AKAP9: variants seen among roughly 807,000 people sequenced by gnomAD.
AKAP9 encodes the protein A-kinase anchoring protein 9, also known as A-kinase anchor protein 9.
A neutral mutation model predicts 488.5 loss-of-function variants in AKAP9; 311 were observed. The observed-to-expected ratio is 0.64, with a 90% CI of 0.58 to 0.70. The LOEUF (loss-of-function observed/expected upper bound fraction) is 0.70. Among genes scored for constraint, AKAP9 ranks in the 30% least tolerant of loss-of-function variants. AKAP9 has a pLI of 0.00. For synonymous variants in AKAP9, 1,462 were observed against 1,483.5 expected (o/e 0.99, Z 0.33); for missense variants, 4,215 against 4,374.5 (o/e 0.96, Z 1.03).
intron 1 of AKAP9, among the ~76,000 whole-genome samples, chr7:91,958,619 C>T (rs562854380): frequency 2.6e-5 from 4 of 151,804 alleles, no homozygotes; most frequent in Admixed American, 2.0e-4. Context: ...TATGGGCCCA[C>T]GATAATTTTA....
intron 23 of AKAP9, among the ~76,000 whole-genome samples, chr7:92,062,057 T>C (rs1200499796): frequency 6.6e-6 from 1 of 152,186 alleles, no homozygotes; most frequent in Non-Finnish European, 1.5e-5. Context: ...AAATTTCATG[T>C]TTATGCACAA....
intron 1 of AKAP9, among the ~76,000 whole-genome samples, chr7:91,957,537 A>G (rs1297579338): frequency 2.6e-5 from 4 of 152,208 alleles, no homozygotes; most frequent in African/African-American, 9.6e-5. Context: ...GGAATCACAA[A>G]GGAACAAGAA....
chr7:92,059,077 T>A (rs945481115), intron 22 of AKAP9, among the ~76,000 whole-genome samples: 2 of 152,002 alleles, frequency 1.3e-5, no homozygotes, highest in Admixed American at 6.6e-5. Context: ...ATGACTTTCA[T>A]AGCTTTATCC....
At chr7:92,053,011 C>T in intron 22 of AKAP9, 53 bp downstream of exon 22, 2 of 1,426,630 alleles carry the variant, frequency 1.4e-6, no homozygotes, top group Non-Finnish European at 2.0e-6. Context: ...AATATACTAT[C>T]CCACTCTCTC....
chr7:92,058,259 C>T (rs367757100), intron 22 of AKAP9: 4 of 587,870 alleles, frequency 6.8e-6, no homozygotes, highest in East Asian at 3.7e-5. Context: ...GGTTGAATCT[C>T]GCGTGCCTTT....
At chr7:92,041,905 T>C (rs553571980) in intron 18 of AKAP9, 141 bp from the exon 19 acceptor site, 22 of 843,320 alleles carry the variant, frequency 2.6e-5, no homozygotes, top group Non-Finnish European at 3.8e-5. Context: ...TGTATATACT[T>C]TTAACCCCTT....
intron 36 of AKAP9, among the ~76,000 whole-genome samples, chr7:92,085,964 G>T (rs1417152981): frequency 2.0e-5 from 3 of 151,992 alleles, no homozygotes; most frequent in African/African-American, 7.2e-5. Flanking sequence ...TTAGCCAGGC[G>T]TGGTGGTGGG....
chr7:92,077,983 T>C (rs1341891989), intron 30 of AKAP9, 108 bp downstream of exon 30: 1 of 651,366 alleles, frequency 1.5e-6, no homozygotes. Context: ...ACCAATTTTA[T>C]TTTATTTTAT....
At chr7:91,972,307 AT>A (rs1305366607) in intron 1 of AKAP9, among the ~76,000 whole-genome samples, 1 of 151,966 alleles carries the variant, frequency 6.6e-6, no homozygotes, top group Non-Finnish European at 1.5e-5. Flanking sequence ...TGTTAGGAAT[AT>A]TTCTCCCTTC....
At chr7:91,964,600 A>C (rs1481874012) in intron 1 of AKAP9, among the ~76,000 whole-genome samples, 3 of 152,166 alleles carry the variant, frequency 2.0e-5, no homozygotes, top group Admixed American at 6.5e-5. Flanking sequence ...AATCTATAAA[A>C]ATAAAAAAAT....
intron 1 of AKAP9, among the ~76,000 whole-genome samples, chr7:91,963,688 T>G (rs1794065996): frequency 6.6e-6 from 1 of 152,126 alleles, no homozygotes; most frequent in African/African-American, 2.4e-5. Context: ...CGGCTAATTT[T>G]TTTGTATTTT....
chr7:92,069,467 A>G (rs1811326695), intron 26 of AKAP9, among the ~76,000 whole-genome samples: 2 of 152,196 alleles, frequency 1.3e-5, no homozygotes, highest in African/African-American at 2.4e-5. Flanking sequence ...TTTGTTGGAG[A>G]CAACAGTTGC....
intron 21 of AKAP9, among the ~76,000 whole-genome samples, chr7:92,050,063 CTTTTTTT>C (rs35146687): frequency 7.7e-6 from 1 of 129,744 alleles, no homozygotes; most frequent in Non-Finnish European, 1.7e-5. Flanking sequence ...TTTCAGCAAA[CTTTTTTT>C]TTTTTTTTTT....
In AKAP9 at chr7:92,097,712, A is replaced by C; in HGVS notation, c.10525A>C (p.Asn3509His). Residue 3509 changes from asparagine (N) to histidine (H), a missense_variant, in exon 42 of 50, where the codon AAT becomes CAT. By Grantham distance (68) the Asn-to-His change is moderately conservative. Around this residue, in one of 5 missense-constraint regions of AKAP9, gnomAD observed 1,476 missense variants for 1,477.4 expected, o/e 1.00. Transcript: ENST00000356239. Reference sequence around the variant, plus strand: ...AATGAATGGAGGAGGAACCGGCTGTAATCATGAATTAGAAATGATCAGACA... The same window carrying C: ...AATGAATGGAGGAGGAACCGGCTGTCATCATGAATTAGAAATGATCAGACA... ...IEMNGGGTGC[N>H]HELEMIRQKL... The C allele has an allele frequency of 6.2e-7, 1 of 1,614,216 alleles. No homozygotes were observed. Among genetic ancestry groups the C allele is most frequent in the Non-Finnish European group, 8.5e-7 (1 of 1,180,032 alleles).
Position 92,042,684 on chromosome 7 carries a change from AAGG to A in AKAP9, c.5078_5080del (p.Gly1693del), listed in dbSNP as rs771190405. On this transcript the variant is annotated inframe_deletion, in exon 20 of 50. Coordinates refer to ENST00000356239, the MANE Select transcript of AKAP9 (RefSeq NM_005751.5). ...CTTAAACAGAATGGAAATGAAAACC[AAGG>A]AGAAGTTGAAGAACAAACATTTAAA... is the stretch of plus-strand genomic sequence containing the variant. 2.9e-5 allele frequency: 47 copies of A among 1,610,336 alleles called. No homozygotes were observed. Among genetic ancestry groups the A allele is most frequent in the Non-Finnish European group, 3.7e-5 (43 of 1,177,490 alleles).
At chr7:92,034,187 G>C (rs1804764375) in intron 16 of AKAP9, among the ~76,000 whole-genome samples, 1 of 152,098 alleles carries the variant, frequency 6.6e-6, no homozygotes, top group Admixed American at 6.6e-5. Context: ...AAGAGAGCAA[G>C]AGAAAAAGAA....
chr7:92,107,269 A>C, intron 47 of AKAP9, 24 bp from the exon 48 acceptor site: 1 of 1,612,838 alleles, frequency 6.2e-7, no homozygotes, highest in South Asian at 1.1e-5. Context: ...TTTTCTTTAC[A>C]AGGAATATTT....
chr7:92,097,549 A>G (rs192176624), intron 41 of AKAP9, 37 bp from the exon 42 acceptor site: 2 of 1,594,484 alleles, frequency 1.3e-6, no homozygotes, highest in East Asian at 4.5e-5. Context: ...CTGTTCACTT[A>G]TAATTATTGT....
intron 1 of AKAP9, among the ~76,000 whole-genome samples, chr7:91,968,223 T>A (rs1341512099): frequency 6.6e-6 from 1 of 152,192 alleles, no homozygotes; most frequent in Non-Finnish European, 1.5e-5. Flanking sequence ...AGATTACAGG[T>A]GTGAGCCACC....
Sources: allele counts gnomAD v4.1 joint callset (sites outside exome capture counted in the v4.1 genomes callset), GRCh38; gene constraint gnomAD v4.1.1; regional missense constraint gnomAD v4.1.1; transcripts MANE v1.5; gene names NCBI Gene and HGNC (gene_info 2026-07-23, HGNC 2026-07-21).